CEP85L: variants seen among roughly 807,000 people sequenced by gnomAD.
CEP85L encodes centrosomal protein of 85 kDa-like.
Under a neutral mutation model 100.3 loss-of-function variants are expected in CEP85L, and 60 were observed. The observed-to-expected ratio is 0.60, with a 90% CI of 0.49 to 0.74. The LOEUF is 0.74. Ranked by LOEUF, CEP85L falls within the 30% of genes least tolerant of loss-of-function variation. The pLI, the probability that CEP85L is intolerant of heterozygous loss-of-function variation, is 0.00. For missense variants in CEP85L, 973 were observed against 936.2 expected (o/e 1.04, Z -0.51); for synonymous variants, 319 against 322.7 (o/e 0.99, Z 0.12).
At chr6:118,547,283 T>G (rs946133764) in intron 3 of CEP85L, among the ~76,000 whole-genome samples, 2 of 152,144 alleles carry the variant, frequency 1.3e-5, no homozygotes, top group African/African-American at 4.8e-5. Flanking sequence ...CCAGTTCTAC[T>G]GTAAGATAAA....
intron 3 of CEP85L, among the ~76,000 whole-genome samples, chr6:118,545,547 C>A (rs1402550300): frequency 6.6e-6 from 1 of 152,118 alleles, no homozygotes; most frequent in Admixed American, 6.5e-5. Flanking sequence ...GAGATCGCAC[C>A]ATTCACTCGG....
At chr6:118,681,516 C>T (rs1844963) in intron 1 of CEP85L, among the ~76,000 whole-genome samples, 2 of 151,954 alleles carry the variant, frequency 1.3e-5, no homozygotes, top group South Asian at 4.1e-4. Flanking sequence ...TTTTGAAGAA[C>T]ACTTAACAGA....
intron 1 of CEP85L, among the ~76,000 whole-genome samples, chr6:118,677,095 G>T (rs959603573): frequency 2.0e-5 from 3 of 151,844 alleles, no homozygotes; most frequent in South Asian, 4.2e-4. Flanking sequence ...TGGAAATCAG[G>T]GTCCCAGCTC....
At chr6:118,475,499 GCCCGCCAC>G (rs1247366609) in intron 10 of CEP85L, among the ~76,000 whole-genome samples, 8 of 151,550 alleles carry the variant, frequency 5.3e-5, no homozygotes, top group Non-Finnish European at 8.8e-5. Flanking sequence ...GACTATAGGC[GCCCGCCAC>G]CACGCCTGGC....
chr6:118,481,778 C>T lies in CEP85L; in HGVS notation c.1745+1G>A. The T allele has an allele frequency of 1.3e-6, 2 of 1,556,634 alleles. No homozygotes were observed. Among genetic ancestry groups the T allele is most frequent in the Non-Finnish European group, 1.7e-6 (2 of 1,151,022 alleles). ...TAGAAGGATTCAGAAAATTTTCTTA[C>T]CTCTGAACGGTAGTTACTAACTCCT... is the stretch of plus-strand genomic sequence containing the variant. On this transcript the variant is annotated splice_donor_variant, in intron 8 of 12. Coordinates refer to ENST00000368491, the MANE Select transcript of CEP85L (RefSeq NM_001042475.3). LOFTEE classifies it high-confidence loss of function.
At chr6:118,545,386 G>A (rs1583017847) in intron 3 of CEP85L, among the ~76,000 whole-genome samples, 1 of 152,154 alleles carries the variant, frequency 6.6e-6, no homozygotes, top group Non-Finnish European at 1.5e-5. Flanking sequence ...TCAGGAGTTT[G>A]AGACCAGCCT....
chr6:118,520,363 CA>C (rs1391707579), intron 4 of CEP85L, among the ~76,000 whole-genome samples: 3 of 152,002 alleles, frequency 2.0e-5, no homozygotes, highest in African/African-American at 7.3e-5. Flanking sequence ...TTGCAGGATA[CA>C]AAACCAATTT....
chr6:118,513,743 A>G (rs1776104284), intron 4 of CEP85L, among the ~76,000 whole-genome samples: 1 of 152,142 alleles, frequency 6.6e-6, no homozygotes, highest in Admixed American at 6.5e-5. Context: ...CCAGACTTCA[A>G]CTACAAAAAA....
intron 2 of CEP85L, among the ~76,000 whole-genome samples, chr6:118,594,847 T>C (rs2115140409): frequency 8.3e-6 from 1 of 120,338 alleles, no homozygotes; most frequent in African/African-American, 3.1e-5. Flanking sequence ...CACAGCGAGA[T>C]TGTCTCAAAA....
intron 2 of CEP85L, among the ~76,000 whole-genome samples, chr6:118,629,974 A>G (rs1446385988): frequency 1.3e-5 from 2 of 152,204 alleles, no homozygotes; most frequent in East Asian, 3.8e-4. Context: ...TTTCAACATG[A>G]CAACTATTTT....
chr6:118,685,052 T>C (rs773679173), intron 1 of CEP85L, among the ~76,000 whole-genome samples: 1 of 152,224 alleles, frequency 6.6e-6, no homozygotes, highest in Non-Finnish European at 1.5e-5. Flanking sequence ...ATACTAATTA[T>C]TCCCAGCATT....
At chr6:118,545,504 C>T (rs1164689973) in intron 3 of CEP85L, among the ~76,000 whole-genome samples, 1 of 152,170 alleles carries the variant, frequency 6.6e-6, no homozygotes, top group African/African-American at 2.4e-5. Context: ...AGGAGAATCG[C>T]TTGAACCCGA....
At chr6:118,497,295 A>T (rs1019783251) in intron 5 of CEP85L, among the ~76,000 whole-genome samples, 1 of 152,134 alleles carries the variant, frequency 6.6e-6, no homozygotes, top group Non-Finnish European at 1.5e-5. Flanking sequence ...TTCCAACATC[A>T]TATCTTTGTG....
chr6:118,508,572 T>C (rs1347015165), intron 5 of CEP85L, among the ~76,000 whole-genome samples: 1 of 152,146 alleles, frequency 6.6e-6, no homozygotes, highest in Non-Finnish European at 1.5e-5. Context: ...ATTCTCTACC[T>C]ATGAGACTGA....
chr6:118,523,731 A>T, intron 4 of CEP85L, 71 bp downstream of exon 4: 2 of 705,808 alleles, frequency 2.8e-6, no homozygotes, highest in Non-Finnish European at 4.8e-6. Flanking sequence ...TGTAGTGGAC[A>T]TAAAGTTAAT....
At chr6:118,674,650 T>C (rs193063189) in intron 1 of CEP85L, among the ~76,000 whole-genome samples, 2 of 152,280 alleles carry the variant, frequency 1.3e-5, no homozygotes, top group East Asian at 1.9e-4. Context: ...ATTTTAAAGC[T>C]ATCTGAATAG....
chr6:118,526,569 C>T (rs1057160586), intron 3 of CEP85L, among the ~76,000 whole-genome samples: 6 of 152,196 alleles, frequency 3.9e-5, no homozygotes, highest in Admixed American at 3.9e-4. Context: ...TATTCCACTG[C>T]TTCTACTATT....
At position 118,461,010 on chromosome 6, in the gene CEP85L, C is replaced by T. The variant is rs1387989124; in HGVS notation, c.*4395G>A. On this transcript the variant is annotated 3_prime_UTR_variant, in exon 13 of 13. Transcript: ENST00000368491. ...TCAGAAGGCATAAGCCAACCAGTGG[C>T]TTCACATTCTTTTTTTTTTTTTTTA... 1 of 151,234 alleles carries T rather than the reference C, an allele frequency of 6.6e-6. No homozygotes were observed. The highest frequency in any genetic ancestry group is 1.5e-5 in the Non-Finnish European group (1 of 67,850). The allele number at this position is 151,234 out of a possible 1,614,324, so 9.4% of individuals were successfully genotyped here. A position where few individuals can be genotyped will look rare whatever the true frequency, so the allele number is the denominator to read the frequency against.
At chr6:118,582,004 C>T (rs1242035838) in intron 2 of CEP85L, among the ~76,000 whole-genome samples, 1 of 152,162 alleles carries the variant, frequency 6.6e-6, no homozygotes, top group South Asian at 2.1e-4. Context: ...ACAGCCCAGA[C>T]CTTTACAAGT....
Sources: gnomAD v4.1 joint callset for allele counts (sites outside exome capture counted in the v4.1 genomes callset) on GRCh38, gnomAD v4.1.1 for gene constraint, MANE v1.5 for transcripts, NCBI Gene and HGNC (gene_info 2026-07-23, HGNC 2026-07-21) for gene names.